CNTNAP2: variants seen among roughly 807,000 people sequenced by gnomAD.
CNTNAP2 encodes the protein contactin-associated protein-like 2.
Under a neutral mutation model 155.2 loss-of-function variants are expected in CNTNAP2, and 98 were observed. The observed-to-expected ratio is 0.63, with a 90% CI of 0.54 to 0.75. The LOEUF (loss-of-function observed/expected upper bound fraction) is 0.75, where lower values mean the gene tolerates loss of function less well. CNTNAP2 is among the 30% of genes least tolerant of loss of function. The pLI is 0.00. For synonymous variants in CNTNAP2, 651 were observed against 631.2 expected (o/e 1.03, Z -0.47); for missense variants, 1,727 against 1,688.1 (o/e 1.02, Z -0.40).
chr7:148,283,300 AAAGAAAGG>A lies in CNTNAP2; in HGVS notation c.3475+16178_3475+16185del, dbSNP rs1313293725. The stretch of plus-strand genomic sequence containing the variant: ...GAAAGAAAGAAAGAAAGAAAGAAAG[AAAGAAAGG>A]AAGGAAGGAAGGAAAGAAAGAAAGA... On this transcript the variant is annotated intron_variant, in intron 21 of 23. Transcript: ENST00000361727. 2.5e-3 allele frequency among the ~76,000 whole-genome samples: 252 copies of A among 99,252 alleles called. 2 individuals are homozygous for A. Among genetic ancestry groups the A allele is most frequent in the Admixed American group, 3.3e-3 (38 of 11,388 alleles). The allele number at this position is 99,252 out of a possible 152,430, so 65.1% of individuals were successfully genotyped here. A position where few individuals can be genotyped will look rare whatever the true frequency, so the allele number is the denominator to read the frequency against.
chr7:146,675,092 A>G (rs1356981466), intron 1 of CNTNAP2, among the ~76,000 whole-genome samples: 1 of 152,160 alleles, frequency 6.6e-6, no homozygotes, highest in Non-Finnish European at 1.5e-5. Context: ...GCAGGCAAAC[A>G]TTACATCTTA....
chr7:146,714,666 T>C (rs140003777), intron 1 of CNTNAP2, among the ~76,000 whole-genome samples: 2 of 152,268 alleles, frequency 1.3e-5, no homozygotes, highest in African/African-American at 4.8e-5. Context: ...CGAGTTAAGA[T>C]AACTAATTGG....
chr7:146,948,782 G>A (rs1416960116), intron 3 of CNTNAP2, among the ~76,000 whole-genome samples: 1 of 152,114 alleles, frequency 6.6e-6, no homozygotes, highest in Non-Finnish European at 1.5e-5. Flanking sequence ...AACTTGTGGT[G>A]GTGTACATGA....
At position 146,455,781 on chromosome 7, in the gene CNTNAP2, G is replaced by A. The variant is rs189243587; in HGVS notation, c.98-318490G>A. ...GCTGCATATTTTAATAGCTTTTAAC[G>A]CTGATTGTAAACTCAATACTGAAGA... On this transcript the variant is annotated intron_variant, in intron 1 of 23. Coordinates refer to ENST00000361727, the MANE Select transcript of CNTNAP2 (RefSeq NM_014141.6). Among the ~76,000 whole-genome samples, 42 of 152,176 alleles carry A rather than the reference G, an allele frequency of 2.8e-4. No homozygotes were observed. In the East Asian group the frequency reaches 7.3e-3, roughly 27 times the overall value.
intron 3 of CNTNAP2, among the ~76,000 whole-genome samples, chr7:146,911,257 A>C (rs2129217022): frequency 6.6e-6 from 1 of 152,284 alleles, no homozygotes; most frequent in African/African-American, 2.4e-5. Flanking sequence ...GTGATTCCTC[A>C]GGGATCTAGA....
intron 14 of CNTNAP2, among the ~76,000 whole-genome samples, chr7:147,924,279 C>T (rs1800343607): frequency 6.6e-6 from 1 of 151,826 alleles, no homozygotes; most frequent in African/African-American, 2.4e-5. Flanking sequence ...GCTGGGATTA[C>T]AGGCATGTAC....
chr7:148,415,327 G>T, intron 23 of CNTNAP2, 90 bp from the exon 24 acceptor site: 1 of 1,302,562 alleles, frequency 7.7e-7, no homozygotes, highest in Non-Finnish European at 1.1e-6. Context: ...GGAGAGGGCT[G>T]TGTCTGACGG....
rs570640399 is a variant in CNTNAP2 at position 147,084,379 on chromosome 7, T to C, written c.551-23768T>C. On this transcript the variant is annotated intron_variant, in intron 4 of 23. Coordinates refer to ENST00000361727, the MANE Select transcript of CNTNAP2 (RefSeq NM_014141.6). ...TAATGCTATATATGTATATATAATA[T>C]ATGCATAATGCTATATATGTATATA... Among the ~76,000 whole-genome samples the C allele has an allele frequency of 2.0e-4, 15 of 73,300 alleles. 3 individuals are homozygous for C. Among genetic ancestry groups the C allele is most frequent in the East Asian group, 9.0e-4 (2 of 2,218 alleles). 48.1% of individuals were successfully genotyped at this position (73,300 alleles called of 152,430 possible).
chr7:147,647,871 T>TA (rs940956515), intron 13 of CNTNAP2, among the ~76,000 whole-genome samples: 6 of 151,932 alleles, frequency 3.9e-5, no homozygotes, highest in Non-Finnish European at 7.4e-5. Flanking sequence ...GGCAAGCAAG[T>TA]AAAAAAATAA....
chr7:148,154,177 T>C (rs543307410), intron 17 of CNTNAP2, among the ~76,000 whole-genome samples: 9 of 152,276 alleles, frequency 5.9e-5, no homozygotes, highest in Non-Finnish European at 1.2e-4. Context: ...CTCTTTTGCG[T>C]TGGGCAGAAA....
intron 17 of CNTNAP2, among the ~76,000 whole-genome samples, chr7:148,170,093 A>C (rs1805751476): frequency 1.3e-5 from 2 of 152,228 alleles, no homozygotes; most frequent in Non-Finnish European, 2.9e-5. Context: ...TGTTCCCTAA[A>C]AGTGAAAGTA....
chr7:146,751,250 C>A (rs1195647938), intron 1 of CNTNAP2, among the ~76,000 whole-genome samples: 3 of 152,008 alleles, frequency 2.0e-5, no homozygotes, highest in Admixed American at 2.0e-4. Flanking sequence ...CACATTTGAG[C>A]ATACAAATTT....
At chr7:146,817,792 AT>A (rs1217570386) in intron 2 of CNTNAP2, among the ~76,000 whole-genome samples, 12 of 152,204 alleles carry the variant, frequency 7.9e-5, no homozygotes, top group Non-Finnish European at 1.5e-4. Context: ...CCATGATCCA[AT>A]CACCTCTCAC....
At chr7:146,749,233 ATTTG>A in intron 1 of CNTNAP2, among the ~76,000 whole-genome samples, 1 of 152,268 alleles carries the variant, frequency 6.6e-6, no homozygotes, top group South Asian at 2.1e-4. Context: ...ATATGTATAT[ATTTG>A]TATCTATACA....
chr7:147,224,664 T>TA (rs1201135530), intron 8 of CNTNAP2, among the ~76,000 whole-genome samples: 1 of 152,100 alleles, frequency 6.6e-6, no homozygotes, highest in Admixed American at 6.6e-5. Context: ...AGAAAGTATA[T>TA]AATGGGTGAA....
intron 15 of CNTNAP2, among the ~76,000 whole-genome samples, chr7:148,065,318 G>A (rs148451778): frequency 0.024 from 3,586 of 152,198 alleles, 146 homozygotes; most frequent in African/African-American, 0.08. Context: ...TTTGTTCTAG[G>A]ATATAGTTTA....
intron 20 of CNTNAP2, among the ~76,000 whole-genome samples, chr7:148,237,500 G>A (rs1454237699): frequency 1.3e-5 from 2 of 152,142 alleles, no homozygotes; most frequent in African/African-American, 2.4e-5. Context: ...AGAACATGAT[G>A]TTAAACAAAG....
At chr7:146,368,594 T>A (rs1795187448) in intron 1 of CNTNAP2, among the ~76,000 whole-genome samples, 1 of 152,100 alleles carries the variant, frequency 6.6e-6, no homozygotes, top group East Asian at 1.9e-4. Context: ...AAATAAAATG[T>A]TAATTTATGA....
chr7:146,119,022 A>T (rs1484670218), intron 1 of CNTNAP2, among the ~76,000 whole-genome samples: 2 of 152,136 alleles, frequency 1.3e-5, no homozygotes, highest in African/African-American at 4.8e-5. Flanking sequence ...TACTTTAAAT[A>T]TCAACTGTAC....
Sources: allele counts gnomAD v4.1 joint callset (sites outside exome capture counted in the v4.1 genomes callset), GRCh38; gene constraint gnomAD v4.1.1; transcripts MANE v1.5; gene names NCBI Gene and HGNC (gene_info 2026-07-23, HGNC 2026-07-21).